PRKAR2B: variants seen among roughly 807,000 people sequenced by gnomAD.
The protein encoded by PRKAR2B is protein kinase cAMP-dependent type II regulatory subunit beta.
In PRKAR2B, 14 loss-of-function variants were observed where a neutral mutation model predicts 49.9. The ratio of observed to expected loss-of-function variants is 0.28; its 90% CI spans 0.19 to 0.44. PRKAR2B has a LOEUF of 0.44. PRKAR2B is among the 20% of genes least tolerant of loss of function. The pLI is 1.00. For synonymous variants in PRKAR2B, 196 were observed against 197.7 expected, an observed-to-expected ratio of 0.99 and a Z score of 0.07; for missense variants, 393 against 537.9, an observed-to-expected ratio of 0.73 and a Z score of 2.67.
At chr7:107,099,923 C>T (rs1234687599) in intron 2 of PRKAR2B, among the ~76,000 whole-genome samples, 5 of 152,160 alleles carry the variant, frequency 3.3e-5, no homozygotes, top group African/African-American at 4.8e-5. Context: ...CGTGAGCCAC[C>T]GTGCCCGGCC....
intron 2 of PRKAR2B, among the ~76,000 whole-genome samples, chr7:107,073,169 C>A (rs1395894904): frequency 6.6e-6 from 1 of 152,082 alleles, no homozygotes; most frequent in Non-Finnish European, 1.5e-5. Context: ...ATATTTCAAA[C>A]CTGAATAATT....
At chr7:107,147,744 G>A (rs531163771) in intron 6 of PRKAR2B, among the ~76,000 whole-genome samples, 27 of 152,246 alleles carry the variant, frequency 1.8e-4, no homozygotes, top group South Asian at 4.1e-4. Context: ...TAAAATTGTT[G>A]AAAATAGCCC....
intron 2 of PRKAR2B, among the ~76,000 whole-genome samples, chr7:107,072,097 T>C (rs1056816382): frequency 6.8e-6 from 1 of 147,846 alleles, no homozygotes; most frequent in East Asian, 2.0e-4. Context: ...AAAATAAAAA[T>C]AAAAAATAAA....
chr7:107,046,431 C>T (rs1793695132), intron 1 of PRKAR2B, among the ~76,000 whole-genome samples: 1 of 152,144 alleles, frequency 6.6e-6, no homozygotes, highest in Non-Finnish European at 1.5e-5. Flanking sequence ...TGCAGGATTA[C>T]ATGTTGAAAT....
At chr7:107,060,917 A>G (rs1794015618) in intron 1 of PRKAR2B, among the ~76,000 whole-genome samples, 2 of 152,086 alleles carry the variant, frequency 1.3e-5, no homozygotes, top group African/African-American at 4.8e-5. Context: ...GCTTTAATCT[A>G]TAATTTATTC....
chr7:107,090,270 C>A (rs1353732629), intron 2 of PRKAR2B, among the ~76,000 whole-genome samples: 1 of 152,150 alleles, frequency 6.6e-6, no homozygotes, highest in Non-Finnish European at 1.5e-5. Flanking sequence ...TCTCTTGCGG[C>A]CAGCTACTTG....
At chr7:107,111,637 T>A (rs910228308) in intron 2 of PRKAR2B, among the ~76,000 whole-genome samples, 3 of 152,236 alleles carry the variant, frequency 2.0e-5, no homozygotes, top group African/African-American at 7.2e-5. Context: ...AATTTTTAAA[T>A]GACTACATAG....
intron 8 of PRKAR2B, among the ~76,000 whole-genome samples, chr7:107,155,162 A>G (rs935754685): frequency 6.6e-6 from 1 of 152,186 alleles, no homozygotes; most frequent in Admixed American, 6.5e-5. Context: ...ATTTCCAACT[A>G]TGTATGCTGT....
chr7:107,150,091 G>T (rs1318636423), intron 6 of PRKAR2B, among the ~76,000 whole-genome samples: 2 of 151,918 alleles, frequency 1.3e-5, no homozygotes, highest in Admixed American at 1.3e-4. Flanking sequence ...TGGTATAATT[G>T]TTTATTAATG....
At position 107,092,425 on chromosome 7, in the gene PRKAR2B, AGAT is replaced by A. The variant is rs548657799; in HGVS notation, c.343+22114_343+22116del. Among the ~76,000 whole-genome samples the A allele has an allele frequency of 3.7e-3, 559 of 152,100 alleles. 2 individuals carry two copies. The highest frequency in any genetic ancestry group is 0.013 in the African/African-American group (519 of 41,500). On this transcript the variant is annotated intron_variant, in intron 2 of 10. Transcript: ENST00000265717. ...CATTATCCAGGAAGCAGCTGAAAGGAGATGATGTCTTTCAGGGGATAGCGGTGT... is the reference window on the plus strand; with the variant it reads ...CATTATCCAGGAAGCAGCTGAAAGGAGATGTCTTTCAGGGGATAGCGGTGT...
intron 5 of PRKAR2B, among the ~76,000 whole-genome samples, chr7:107,145,598 TTA>T: frequency 6.6e-6 from 1 of 152,282 alleles, no homozygotes; most frequent in East Asian, 1.9e-4. Flanking sequence ...GGTTAATTTT[TTA>T]TAGAGATGGG....
In PRKAR2B at chr7:107,140,927, T is replaced by C. The variant is rs775520772; in HGVS notation, c.561T>C (p.Asp187=). 26 of 1,612,680 alleles carry C rather than the reference T, an allele frequency of 1.6e-5. No homozygotes were observed. The highest frequency in any genetic ancestry group is 1.4e-5 in the Non-Finnish European group (16 of 1,179,406). ...DGEHVIDQGD[D]GDNFYVIDRG... ...AGCATGTAATTGATCAAGGTGACGA[T>C]GGTGACAACTTTTATGTAATTGATA... The change falls in exon 5 of 11, where the codon GAT becomes GAC. Residue 187 remains aspartate, a synonymous_variant. Transcript: ENST00000265717.
rs1287410862 is a variant in PRKAR2B at position 107,056,501 on chromosome 7, GTT to G, written c.307+11289_307+11290del. ...TCCTCTTTTATTTCATTGAGCAGTG[GTT>G]TGTAGTTCTCCTTGAAGAGGTCCTT... is the stretch of plus-strand genomic sequence containing the variant. On this transcript the variant is annotated intron_variant, in intron 1 of 10. Transcript: ENST00000265717. Among the ~76,000 whole-genome samples the G allele has an allele frequency of 4.6e-5, 7 of 152,238 alleles. No homozygotes were observed. The East Asian group carries it at 9.6e-4, about 21-fold the overall frequency.
chr7:107,127,909 C>T (rs139006096), intron 3 of PRKAR2B, among the ~76,000 whole-genome samples: 14 of 152,292 alleles, frequency 9.2e-5, no homozygotes, highest in African/African-American at 3.1e-4. Context: ...CCTAGCCAGT[C>T]ACAGTTGTGT....
intron 1 of PRKAR2B, among the ~76,000 whole-genome samples, chr7:107,046,283 C>T (rs1457913599): frequency 6.6e-6 from 1 of 152,208 alleles, no homozygotes; most frequent in Non-Finnish European, 1.5e-5. Context: ...GGCAAACATG[C>T]ATGCAGCATT....
intron 2 of PRKAR2B, among the ~76,000 whole-genome samples, chr7:107,087,462 T>G (rs574752817): frequency 5.3e-5 from 8 of 152,324 alleles, no homozygotes; most frequent in South Asian, 4.1e-4. Flanking sequence ...TAGAGCTTAC[T>G]GTGAGCCAGG....
chr7:107,132,879 G>A (rs1795628281), intron 4 of PRKAR2B, among the ~76,000 whole-genome samples: 1 of 152,076 alleles, frequency 6.6e-6, no homozygotes, highest in African/African-American at 2.4e-5. Flanking sequence ...GTTGAGCACA[G>A]CATTTATAAT....
At chr7:107,140,500 T>G (rs1795772570) in intron 4 of PRKAR2B, among the ~76,000 whole-genome samples, 1 of 152,244 alleles carries the variant, frequency 6.6e-6, no homozygotes, top group African/African-American at 2.4e-5. Context: ...AAAAGAAATT[T>G]GAAATAATTC....
intron 1 of PRKAR2B, among the ~76,000 whole-genome samples, chr7:107,055,259 G>A (rs1336888686): frequency 6.6e-6 from 1 of 152,208 alleles, no homozygotes; most frequent in Non-Finnish European, 1.5e-5. Flanking sequence ...TGTGAATAAT[G>A]CCACAATAAA....
Sources: allele counts gnomAD v4.1 joint callset (sites outside exome capture counted in the v4.1 genomes callset), GRCh38; gene constraint gnomAD v4.1.1; transcripts MANE v1.5; gene names NCBI Gene and HGNC (gene_info 2026-07-23, HGNC 2026-07-21).